ZNF831: variants seen among roughly 807,000 people sequenced by gnomAD.
ZNF831 encodes the protein zinc finger protein 831, also known as chromosome 20 open reading frame 174.
In ZNF831, 59 loss-of-function variants were observed where a neutral mutation model predicts 95.8. That is an observed-to-expected ratio of 0.62 (90% CI 0.50 to 0.77). The LOEUF (loss-of-function observed/expected upper bound fraction) is 0.77. Ranked by LOEUF, ZNF831 falls within the 30% of genes least tolerant of loss-of-function variation. The pLI, the probability that ZNF831 is intolerant of heterozygous loss-of-function variation, is 0.00. For missense variants in ZNF831, 2,205 were observed against 2,164.0 expected, an observed-to-expected ratio of 1.02 and a Z score of -0.38; for synonymous variants, 961 against 925.5, an observed-to-expected ratio of 1.04 and a Z score of -0.70.
chr20:59,247,447 C>A (rs1285257992), intron 4 of ZNF831, among the ~76,000 whole-genome samples: 8 of 152,168 alleles, frequency 5.3e-5, no homozygotes. Flanking sequence ...GTTCTTGGCA[C>A]GGTTGTTGGT....
chr20:59,156,717 T>G (rs1468776181), intron 2 of ZNF831, among the ~76,000 whole-genome samples: 1 of 152,188 alleles, frequency 6.6e-6, no homozygotes, highest in Non-Finnish European at 1.5e-5. Flanking sequence ...TCCGCTTCTA[T>G]AAGTTTGACT....
intron 2 of ZNF831, among the ~76,000 whole-genome samples, chr20:59,151,382 G>A (rs964425053): frequency 3.3e-5 from 5 of 152,172 alleles, no homozygotes; most frequent in African/African-American, 1.2e-4. Flanking sequence ...CCTTTGAGGA[G>A]AATAATCCTA....
At chr20:59,248,975 C>A (rs1005029941) in intron 4 of ZNF831, among the ~76,000 whole-genome samples, 9 of 152,226 alleles carry the variant, frequency 5.9e-5, no homozygotes, top group Admixed American at 1.3e-4. Flanking sequence ...ACTTGTACCC[C>A]ACAAGATCTG....
chr20:59,125,157 G>A (rs6100343), intron 1 of ZNF831, among the ~76,000 whole-genome samples: 18,606 of 152,214 alleles, frequency 0.12, 1,278 homozygotes, highest in Non-Finnish European at 0.14. Flanking sequence ...GTGACAGCCT[G>A]GGGACAGAGC....
chr20:59,183,532 G>A (rs914472065), intron 1 of ZNF831, among the ~76,000 whole-genome samples: 1 of 152,056 alleles, frequency 6.6e-6, no homozygotes, highest in Non-Finnish European at 1.5e-5. Context: ...TCTCTTTTTG[G>A]TGATGATTGA....
intron 4 of ZNF831, among the ~76,000 whole-genome samples, chr20:59,241,511 CT>C (rs1987336156): frequency 6.6e-6 from 1 of 152,106 alleles, no homozygotes; most frequent in Admixed American, 6.5e-5. Flanking sequence ...TTATTACAAA[CT>C]TTTATACGTT....
At chr20:59,140,972 T>C (rs1187400123) in intron 1 of ZNF831, among the ~76,000 whole-genome samples, 1 of 151,994 alleles carries the variant, frequency 6.6e-6, no homozygotes, top group Non-Finnish European at 1.5e-5. Context: ...CGATCTCAGC[T>C]CACTGCAACC....
intron 3 of ZNF831, among the ~76,000 whole-genome samples, chr20:59,202,339 TAA>T (rs34375805): frequency 0.084 from 11,608 of 138,084 alleles, 1,338 homozygotes; most frequent in African/African-American, 0.25. Flanking sequence ...TTTTTTTTTT[TAA>T]AAAAAAAAAC....
chr20:59,171,946 C>A (rs259982), intron 1 of ZNF831, among the ~76,000 whole-genome samples: 1 of 152,086 alleles, frequency 6.6e-6, no homozygotes, highest in African/African-American at 2.4e-5. Flanking sequence ...AGTTGTTCCA[C>A]TATGTGGCAA....
At chr20:59,177,421 C>T (rs1982255602) in intron 1 of ZNF831, among the ~76,000 whole-genome samples, 1 of 152,182 alleles carries the variant, frequency 6.6e-6, no homozygotes, top group Non-Finnish European at 1.5e-5. Flanking sequence ...AGGCACATTC[C>T]CACCTCAGGG....
chr20:59,192,377 A>G lies in ZNF831; in HGVS notation c.1358A>G (p.His453Arg). The change falls in exon 2 of 6, where the codon CAC becomes CGC. Residue 453 changes from histidine to arginine, a missense_variant. Physicochemically the swap from His to Arg is conservative, Grantham distance 29. Transcript: ENST00000371030. The surrounding 1 kb of genome is among the most constrained non-coding windows in gnomAD (Gnocchi z 5.2). ...PTPYTYKDSF[H>R]FDIRALEPGR... ...CCCTACACCTACAAGGACTCCTTCC[A>G]CTTTGACATCCGCGCGCTGGAGCCA... 2 of 1,611,838 alleles carry G rather than the reference A, an allele frequency of 1.2e-6. No individual in the cohort carries two copies. Among genetic ancestry groups the G allele is most frequent in the Non-Finnish European group, 1.7e-6 (2 of 1,179,446 alleles).
intron 1 of ZNF831, among the ~76,000 whole-genome samples, chr20:59,131,602 C>T (rs1246554574): frequency 6.6e-6 from 1 of 152,222 alleles, no homozygotes; most frequent in South Asian, 2.1e-4. Flanking sequence ...TCTACAGACC[C>T]CAGCCCCGTG....
rs139591279 is a variant in ZNF831, at chr20:59,192,443, C to T, written c.1424C>T (p.Thr475Met). The change falls in exon 2 of 6, where the codon ACG (threonine) becomes ATG (methionine). Residue 475 changes from threonine to methionine, a missense_variant. By Grantham distance (81) the Thr-to-Met change is moderately conservative. Transcript: ENST00000371030. This position sits in a 1 kb window ranked among gnomAD's most constrained non-coding sequence, Gnocchi z 5.2. ...CCGGGCCCCGTGCGCTCCACCTGGA[C>T]GCCCCCAGACAAGTCTCGGCCCCTC... ...RAPGPVRSTW[T>M]PPDKSRPLFF... 27 of 1,604,302 alleles carry T rather than the reference C, an allele frequency of 1.7e-5. No individual in the cohort carries two copies. The highest frequency in any genetic ancestry group is 2.0e-5 in the Non-Finnish European group (24 of 1,175,964).
chr20:59,129,386 G>A (rs1469659340), intron 1 of ZNF831, among the ~76,000 whole-genome samples: 1 of 152,156 alleles, frequency 6.6e-6, no homozygotes, highest in East Asian at 1.9e-4. Context: ...CAGCACTTTG[G>A]GAGGCTGAGG....
chr20:59,207,514 G>C (rs1201506480), intron 4 of ZNF831, among the ~76,000 whole-genome samples: 1 of 151,760 alleles, frequency 6.6e-6, no homozygotes, highest in Admixed American at 6.6e-5. Context: ...GAGGCTGCAG[G>C]GTACATTGCT....
intron 2 of ZNF831, among the ~76,000 whole-genome samples, chr20:59,150,861 G>A (rs555403605): frequency 3.7e-4 from 57 of 152,322 alleles, no homozygotes; most frequent in Non-Finnish European, 6.5e-4. Context: ...CATAGTACTC[G>A]CTGGCTGTGG....
chr20:59,137,789 T>C (rs538290377), intron 1 of ZNF831, among the ~76,000 whole-genome samples: 2 of 152,310 alleles, frequency 1.3e-5, no homozygotes, highest in East Asian at 3.9e-4. Context: ...GGCACAGCTG[T>C]GTTATTCTAA....
Position 59,205,622 on chromosome 20 carries a change from C to A in ZNF831, c.3876-1283C>A, listed in dbSNP as rs1411049101. Among the ~76,000 whole-genome samples the A allele has an allele frequency of 3.9e-5, 6 of 152,178 alleles. No individual in the cohort carries two copies. The East Asian group carries it at 1.2e-3, about 29-fold the overall frequency. The stretch of plus-strand genomic sequence containing the variant: ...GTGAGCGGCCCTGGTGATTAGGGGA[C>A]TGCGGCTGGATCTTGGCGGTGGCTC... On this transcript the variant is annotated intron_variant, in intron 3 of 5. Coordinates refer to ENST00000371030, the MANE Select transcript of ZNF831 (RefSeq NM_178457.3).
chr20:59,142,188 T>G (rs940352686), intron 1 of ZNF831, among the ~76,000 whole-genome samples: 4 of 152,080 alleles, frequency 2.6e-5, no homozygotes, highest in Non-Finnish European at 1.5e-5. Context: ...GAGTCAGTAG[T>G]TGGCAGGGGG....
Sources: gnomAD v4.1 joint callset for allele counts (sites outside exome capture counted in the v4.1 genomes callset) on GRCh38, gnomAD v4.1.1 for gene constraint, Gnocchi (gnomAD v3.1) non-coding constraint, MANE v1.5 for transcripts, NCBI Gene and HGNC (gene_info 2026-07-23, HGNC 2026-07-21) for gene names.